Variants in PEX14 observed in about 807,000 individuals in gnomAD.
The protein encoded by PEX14 is peroxisomal biogenesis factor 14.
Under a neutral mutation model 49.5 loss-of-function variants are expected in PEX14, and 15 were observed. The ratio of observed to expected loss-of-function variants is 0.30; its 90% CI spans 0.20 to 0.47. PEX14 has a LOEUF of 0.47. PEX14 is among the 20% of genes least tolerant of loss of function. PEX14 has a pLI of 1.00. For missense variants in PEX14, 398 were observed against 494.8 expected (o/e 0.80, Z 1.86); for synonymous variants, 210 against 212.7 (o/e 0.99, Z 0.11).
At chr1:10,503,435 A>G (rs2506901) in intron 2 of PEX14, among the ~76,000 whole-genome samples, 41,282 of 149,858 alleles carry the variant, frequency 0.28, 5,924 homozygotes, top group Admixed American at 0.37. Flanking sequence ...TGAGTTTGCT[A>G]ATCTTAGAGC....
At position 10,512,842 on chromosome 1, in the gene PEX14, C is replaced by T. The variant is rs1285530010; in HGVS notation, c.84+17521C>T. ...CCTCCTGAGTAGCTGGGACTACAGG[C>T]GTGTGCCACCACGCCCGGCTAATTT... On this transcript the variant is annotated intron_variant, in intron 2 of 8. Coordinates refer to ENST00000356607, the MANE Select transcript of PEX14 (RefSeq NM_004565.3). This position sits in a 1 kb window ranked among gnomAD's most constrained non-coding sequence, Gnocchi z 4.6. Among the ~76,000 whole-genome samples, 2 of 152,098 alleles carry T rather than the reference C, an allele frequency of 1.3e-5. No homozygotes were observed. Among genetic ancestry groups the T allele is most frequent in the African/African-American group, 2.4e-5 (1 of 41,440 alleles).
At chr1:10,590,378 G>A (rs1640628094) in intron 3 of PEX14, among the ~76,000 whole-genome samples, 2 of 152,088 alleles carry the variant, frequency 1.3e-5, no homozygotes, top group Non-Finnish European at 2.9e-5. Context: ...AGTGAGGGGT[G>A]GAAATATGAA....
chr1:10,563,357 T>C (rs1422016198), intron 3 of PEX14, among the ~76,000 whole-genome samples: 1 of 150,556 alleles, frequency 6.6e-6, no homozygotes, highest in African/African-American at 2.4e-5. Flanking sequence ...CCCAGCACTT[T>C]GGGAGGCCGA....
At chr1:10,493,656 G>A (rs911212867) in intron 1 of PEX14, among the ~76,000 whole-genome samples, 5 of 152,136 alleles carry the variant, frequency 3.3e-5, no homozygotes, top group Non-Finnish European at 7.3e-5. Flanking sequence ...TCAAACTCCT[G>A]GGCTCAAGCA....
intron 3 of PEX14, among the ~76,000 whole-genome samples, chr1:10,573,786 A>C (rs553341824): frequency 6.6e-6 from 1 of 152,266 alleles, no homozygotes; most frequent in African/African-American, 2.4e-5. Context: ...CATGTAGAAG[A>C]ATGTATATAA....
chr1:10,477,440 C>T (rs984652671), intron 1 of PEX14, among the ~76,000 whole-genome samples: 4 of 152,160 alleles, frequency 2.6e-5, no homozygotes, highest in African/African-American at 9.7e-5. Context: ...TTTGAATGAA[C>T]CAATGCTCTT....
rs928255594 is a variant in PEX14 at position 10,613,687 on chromosome 1, T to C, written c.299-4645T>C. 1.3e-5 allele frequency among the ~76,000 whole-genome samples: 2 copies of C among 152,108 alleles called. No individual in the cohort carries two copies. The highest frequency in any genetic ancestry group is 4.8e-5 in the African/African-American group (2 of 41,422). ...TGAGTGAGAGTGAAGATATCGCCTGTTCTTGGATTCTTTGGGGCTCACAAA... is the reference window on the plus strand; with the variant it reads ...TGAGTGAGAGTGAAGATATCGCCTGCTCTTGGATTCTTTGGGGCTCACAAA... On this transcript the variant is annotated intron_variant, in intron 4 of 8. Coordinates refer to ENST00000356607, the MANE Select transcript of PEX14 (RefSeq NM_004565.3). This position sits in a 1 kb window ranked among gnomAD's most constrained non-coding sequence, Gnocchi z 5.0.
intron 1 of PEX14, among the ~76,000 whole-genome samples, chr1:10,487,180 A>G (rs1219605111): frequency 2.6e-5 from 4 of 151,966 alleles, no homozygotes; most frequent in Non-Finnish European, 5.9e-5. Context: ...TATGCTTTTT[A>G]TATATAGCTG....
At chr1:10,480,724 G>A (rs1032676738) in intron 1 of PEX14, among the ~76,000 whole-genome samples, 1 of 152,034 alleles carries the variant, frequency 6.6e-6, no homozygotes, top group African/African-American at 2.4e-5. Flanking sequence ...AATTTCTCAC[G>A]TATAGAAAAG....
chr1:10,544,699 A>G (rs1042769715), intron 3 of PEX14, among the ~76,000 whole-genome samples: 2 of 151,416 alleles, frequency 1.3e-5, no homozygotes, highest in Non-Finnish European at 2.9e-5. Flanking sequence ...GGTCCCCCCA[A>G]CCCCCATATC....
chr1:10,552,441 C>CA (rs375330435), intron 3 of PEX14, among the ~76,000 whole-genome samples: 26 of 149,670 alleles, frequency 1.7e-4, no homozygotes, highest in African/African-American at 2.9e-4. Flanking sequence ...GACTCCGTCT[C>CA]AAAAAAAAAA....
chr1:10,577,562 ATTTTTTTTTTTTTTTTTTTTTTTTTTTTT>A (rs1164876121), intron 3 of PEX14, among the ~76,000 whole-genome samples: 3 of 6,234 alleles, frequency 4.8e-4, no homozygotes, highest in African/African-American at 9.3e-4. Context: ...ATATATATAT[ATTTTTTTTTTTTTTTTTTTTTTTTTTTTT>A]TTTTTTTTTT....
intron 3 of PEX14, among the ~76,000 whole-genome samples, chr1:10,582,147 G>T (rs906218075): frequency 1.4e-4 from 21 of 151,612 alleles, no homozygotes; most frequent in African/African-American, 5.1e-4. Context: ...TGTTAATGAT[G>T]ACAGTGATAA....
At chr1:10,565,557 A>G (rs1345582825) in intron 3 of PEX14, among the ~76,000 whole-genome samples, 2 of 152,166 alleles carry the variant, frequency 1.3e-5, no homozygotes, top group Non-Finnish European at 2.9e-5. Context: ...TGCTGTTTTG[A>G]TTTGAATTTC....
At chr1:10,619,984 G>A (rs1435342627) in intron 5 of PEX14, among the ~76,000 whole-genome samples, 2 of 152,054 alleles carry the variant, frequency 1.3e-5, no homozygotes, top group Non-Finnish European at 2.9e-5. Context: ...GCATGGCGGC[G>A]GGCACCTGCA....
intron 3 of PEX14, among the ~76,000 whole-genome samples, chr1:10,590,983 A>AC (rs561583169): frequency 2.8e-3 from 421 of 152,250 alleles, no homozygotes; most frequent in Non-Finnish European, 4.9e-3. Flanking sequence ...GCCCTAGTGC[A>AC]CCAAACTCTT....
intron 3 of PEX14, among the ~76,000 whole-genome samples, chr1:10,584,617 C>G (rs1211310103): frequency 6.6e-6 from 1 of 152,074 alleles, no homozygotes; most frequent in Non-Finnish European, 1.5e-5. Context: ...TTTAAAGAAC[C>G]TGGGTGAAAG....
At chr1:10,564,590 T>A (rs1639747204) in intron 3 of PEX14, among the ~76,000 whole-genome samples, 1 of 113,210 alleles carries the variant, frequency 8.8e-6, no homozygotes, top group South Asian at 3.4e-4. Flanking sequence ...TTTTTCTTTT[T>A]CTTTCTTTTT....
chr1:10,480,199 T>C (rs940661114), intron 1 of PEX14, among the ~76,000 whole-genome samples: 3 of 73,638 alleles, frequency 4.1e-5, no homozygotes, highest in Non-Finnish European at 5.8e-5. Context: ...GCCCTCTCAA[T>C]GTTTTTTTTT....
Sources: allele counts gnomAD v4.1 joint callset (sites outside exome capture counted in the v4.1 genomes callset), GRCh38; gene constraint gnomAD v4.1.1; non-coding constraint Gnocchi (gnomAD v3.1); transcripts MANE v1.5; gene names NCBI Gene and HGNC (gene_info 2026-07-23, HGNC 2026-07-21).